The following SYNDIG1 variants were observed in gnomAD, a reference collection of about 807,000 sequenced individuals.
SYNDIG1 encodes synapse differentiation-inducing gene protein 1.
In SYNDIG1, 9 loss-of-function variants were observed where a neutral mutation model predicts 19.4. That is an observed-to-expected ratio of 0.46 (90% confidence interval 0.28 to 0.81). SYNDIG1 has a LOEUF of 0.81. SYNDIG1 is among the 30% of genes least tolerant of loss of function. The pLI is 0.12. For synonymous variants in SYNDIG1, 141 were observed against 145.9 expected (o/e 0.97, Z 0.24); for missense variants, 311 against 343.3 (o/e 0.91, Z 0.74).
chr20:24,661,540 G>GGAA (rs2059601231), intron 3 of SYNDIG1, among the ~76,000 whole-genome samples: 1 of 136,784 alleles, frequency 7.3e-6, no homozygotes, highest in Non-Finnish European at 1.6e-5. Context: ...AAAGGAGGAA[G>GGAA]GAGGGAGGGA....
At chr20:24,635,465 A>T (rs2059305955) in intron 3 of SYNDIG1, among the ~76,000 whole-genome samples, 1 of 152,168 alleles carries the variant, frequency 6.6e-6, no homozygotes, top group Admixed American at 6.5e-5. Context: ...TATTGCTATG[A>T]TAAAAGCTCA....
chr20:24,628,726 G>A (rs1455028466), intron 3 of SYNDIG1, among the ~76,000 whole-genome samples: 1 of 152,150 alleles, frequency 6.6e-6, no homozygotes, highest in African/African-American at 2.4e-5. Context: ...GTGGTCCCCA[G>A]GAAGCACACA....
At chr20:24,494,062 G>A (rs981914093) in intron 1 of SYNDIG1, among the ~76,000 whole-genome samples, 2 of 152,266 alleles carry the variant, frequency 1.3e-5, no homozygotes, top group African/African-American at 4.8e-5. Flanking sequence ...CTGCTCGCTG[G>A]GTATGGGGAG....
intron 3 of SYNDIG1, among the ~76,000 whole-genome samples, chr20:24,593,297 T>G (rs937834453): frequency 1.3e-5 from 2 of 152,234 alleles, no homozygotes; most frequent in African/African-American, 4.8e-5. Flanking sequence ...ACATGCAGTA[T>G]TTGGTTTTCT....
At chr20:24,609,260 A>G (rs1331315369) in intron 3 of SYNDIG1, among the ~76,000 whole-genome samples, 1 of 152,228 alleles carries the variant, frequency 6.6e-6, no homozygotes, top group Admixed American at 6.5e-5. Flanking sequence ...GACAGAGAGC[A>G]TAGCAAATGC....
At chr20:24,486,663 T>A (rs866004725) in intron 1 of SYNDIG1, among the ~76,000 whole-genome samples, 1 of 150,076 alleles carries the variant, frequency 6.7e-6, no homozygotes, top group African/African-American at 2.5e-5. Flanking sequence ...TATTTAATTT[T>A]TTTTTTGTTT....
intron 1 of SYNDIG1, among the ~76,000 whole-genome samples, chr20:24,530,824 T>TTTGG: frequency 6.6e-6 from 1 of 151,600 alleles, no homozygotes; most frequent in African/African-American, 2.4e-5. Flanking sequence ...TTTTTTTTTT[T>TTTGG]CGGAGACGGA....
At chr20:24,659,933 T>C (rs996390400) in intron 3 of SYNDIG1, among the ~76,000 whole-genome samples, 1 of 152,250 alleles carries the variant, frequency 6.6e-6, no homozygotes, top group Non-Finnish European at 1.5e-5. Flanking sequence ...TAGTTTTTTT[T>C]CAACTATGCT....
At chr20:24,493,695 T>C (rs1467471794) in intron 1 of SYNDIG1, among the ~76,000 whole-genome samples, 2 of 151,920 alleles carry the variant, frequency 1.3e-5, no homozygotes, top group South Asian at 2.1e-4. Flanking sequence ...CTCAGTGGAG[T>C]TGGTGAGCAG....
chr20:24,543,084 A>G lies in SYNDIG1; in HGVS notation c.-14A>G. Reference sequence around the variant, plus strand: ...CAGCCCACCAGCCTGACGCCCAGCCAGGGAGAGAGTACCATGGATGGCATC... The same window carrying G: ...CAGCCCACCAGCCTGACGCCCAGCCGGGGAGAGAGTACCATGGATGGCATC... On this transcript the variant is annotated 5_prime_UTR_variant, in exon 2 of 4. Transcript: ENST00000376862. 6.2e-7 allele frequency: 1 copy of G among 1,607,304 alleles called. No homozygotes were observed. The highest frequency in any genetic ancestry group is 8.5e-7 in the Non-Finnish European group (1 of 1,174,702).
At chr20:24,536,611 G>C (rs1000499600) in intron 1 of SYNDIG1, among the ~76,000 whole-genome samples, 1 of 152,134 alleles carries the variant, frequency 6.6e-6, no homozygotes, top group Non-Finnish European at 1.5e-5. Flanking sequence ...ACTCAGGTGA[G>C]CCAAGCTGAA....
intron 1 of SYNDIG1, among the ~76,000 whole-genome samples, chr20:24,541,530 G>A (rs2057468792): frequency 6.6e-6 from 1 of 152,182 alleles, no homozygotes; most frequent in Non-Finnish European, 1.5e-5. Context: ...GGAAGCAGGT[G>A]GAGCATGATT....
At chr20:24,642,211 A>G (rs1265790191) in intron 3 of SYNDIG1, among the ~76,000 whole-genome samples, 1 of 152,188 alleles carries the variant, frequency 6.6e-6, no homozygotes, top group Non-Finnish European at 1.5e-5. Flanking sequence ...AATTTTGCAG[A>G]GCACTGATCG....
chr20:24,599,134 A>G (rs1399719751), intron 3 of SYNDIG1, among the ~76,000 whole-genome samples: 4 of 152,222 alleles, frequency 2.6e-5, no homozygotes, highest in Non-Finnish European at 5.9e-5. Context: ...AATTCAAACA[A>G]CAGGAAAAAA....
chr20:24,508,807 AG>A (rs1156241850), intron 1 of SYNDIG1, among the ~76,000 whole-genome samples: 38 of 152,298 alleles, frequency 2.5e-4, no homozygotes, highest in African/African-American at 7.7e-4. Context: ...ACTACCCTGC[AG>A]GCGCAGGCTG....
At chr20:24,580,713 G>A (rs1265040205) in intron 2 of SYNDIG1, among the ~76,000 whole-genome samples, 1 of 151,988 alleles carries the variant, frequency 6.6e-6, no homozygotes, top group East Asian at 1.9e-4. Context: ...CCACCCCTCA[G>A]TTTTTAAAAT....
intron 3 of SYNDIG1, among the ~76,000 whole-genome samples, chr20:24,611,094 G>T (rs2058840828): frequency 6.6e-6 from 1 of 152,082 alleles, no homozygotes; most frequent in Non-Finnish European, 1.5e-5. Flanking sequence ...TATTTCTGCT[G>T]CTGGAACTAC....
At position 24,579,108 on chromosome 20, in the gene SYNDIG1, A is replaced by G. The variant is rs1208811851; in HGVS notation, c.481-5748A>G. Among the ~76,000 whole-genome samples the G allele has an allele frequency of 1.3e-5, 2 of 152,218 alleles. 1 individual carries two copies. Among genetic ancestry groups the G allele is most frequent in the East Asian group, 3.8e-4 (2 of 5,196 alleles). ...AACATTTAACATCAAGAGAAAAGGGATAGGAAAAGGGGTTCGTGTTCCAGT... is the reference window on the plus strand; with the variant it reads ...AACATTTAACATCAAGAGAAAAGGGGTAGGAAAAGGGGTTCGTGTTCCAGT... On this transcript the variant is annotated intron_variant, in intron 2 of 3. Transcript: ENST00000376862.
At chr20:24,480,889 G>A (rs1031083766) in intron 1 of SYNDIG1, among the ~76,000 whole-genome samples, 1 of 152,156 alleles carries the variant, frequency 6.6e-6, no homozygotes, top group Admixed American at 6.5e-5. Context: ...AGGCACATAC[G>A]ATATGGTTTC....
Sources: gnomAD v4.1 joint callset for allele counts (sites outside exome capture counted in the v4.1 genomes callset) on GRCh38, gnomAD v4.1.1 for gene constraint, MANE v1.5 for transcripts, NCBI Gene and HGNC (gene_info 2026-07-23, HGNC 2026-07-21) for gene names.